IL31RA: variants seen among roughly 807,000 people sequenced by gnomAD.
IL31RA encodes interleukin 31 receptor A.
IL31RA carries 66 observed loss-of-function variants against 83.7 expected under a neutral mutation model. The ratio of observed to expected loss-of-function variants is 0.79; its 90% confidence interval spans 0.65 to 0.97. The LOEUF (loss-of-function observed/expected upper bound fraction) is 0.97, where lower values mean the gene tolerates loss of function less well. Among genes scored for constraint, IL31RA ranks in the 50% least tolerant of loss-of-function variants. The pLI, the probability that IL31RA is intolerant of heterozygous loss-of-function variation, is 0.00. For missense variants in IL31RA, 798 were observed against 919.4 expected (o/e 0.87, Z 1.71); for synonymous variants, 325 against 329.0 (o/e 0.99, Z 0.13).
intron 4 of IL31RA, among the ~76,000 whole-genome samples, chr5:55,881,716 ATTTTTTTTTT>A (rs34217814): frequency 2.2e-4 from 13 of 59,650 alleles, no homozygotes; most frequent in East Asian, 5.6e-4. Flanking sequence ...AGTTCCTGAG[ATTTTTTTTTT>A]TTTTTTTTTT....
intron 1 of IL31RA, 35 bp from the exon 2 acceptor site, chr5:55,859,474 G>A: frequency 1.3e-6 from 2 of 1,483,548 alleles, no homozygotes; most frequent in Non-Finnish European, 1.9e-6. Flanking sequence ...AAAGAGATAT[G>A]AAGCAAACCA....
chr5:55,854,301 G>A (rs929107783), intron 1 of IL31RA, among the ~76,000 whole-genome samples: 9 of 152,022 alleles, frequency 5.9e-5, no homozygotes, highest in Admixed American at 2.0e-4. Flanking sequence ...ATCTCATCTT[G>A]GGCAATGTAT....
intron 2 of IL31RA, among the ~76,000 whole-genome samples, chr5:55,861,080 A>G (rs1449393282): frequency 6.6e-6 from 1 of 152,204 alleles, no homozygotes; most frequent in African/African-American, 2.4e-5. Context: ...ATCTCCAAAT[A>G]TAATCACATT....
In IL31RA at chr5:55,858,626, CT is replaced by C. The variant is rs950097534; in HGVS notation, c.64-873del. Among the ~76,000 whole-genome samples the C allele has an allele frequency of 1.6e-4, 24 of 149,118 alleles. No homozygotes were observed. In the East Asian group the frequency reaches 2.0e-3, roughly 12 times the overall value. The stretch of plus-strand genomic sequence containing the variant: ...AACTTATTTTGTAAAGAACCCTTTT[CT>C]TTTTTTTTTCTATAATGATCTGGCA... On this transcript the variant is annotated intron_variant, in intron 1 of 14. Transcript: ENST00000652347.
At position 55,906,127 on chromosome 5, in the gene IL31RA, T is replaced by C. The variant is rs781261636; in HGVS notation, c.1091T>C (p.Met364Thr). 3.1e-6 allele frequency: 5 copies of C among 1,613,484 alleles called. No individual in the cohort carries two copies. The highest frequency in any genetic ancestry group is 2.7e-5 in the African/African-American group (2 of 74,398). Reference sequence around the variant, plus strand: ...TCAGCATTTCAGTGCATTGAGGTCATGCAGGCCTGCGTTGCTGAGGACCAG... The same window carrying C: ...TCAGCATTTCAGTGCATTGAGGTCACGCAGGCCTGCGTTGCTGAGGACCAG... ...QEKSFQCIEV[M>T]QACVAEDQLV... The change falls in exon 9 of 15, where the codon ATG becomes ACG. Residue 364 changes from methionine to threonine, a missense_variant. Met to Thr is a moderately conservative substitution (Grantham distance 81). Coordinates refer to ENST00000652347, the MANE Select transcript of IL31RA (RefSeq NM_139017.7).
At chr5:55,880,455 A>T (rs1048305308) in intron 4 of IL31RA, among the ~76,000 whole-genome samples, 1 of 152,244 alleles carries the variant, frequency 6.6e-6, no homozygotes, top group African/African-American at 2.4e-5. Context: ...ATACACACCA[A>T]CTATGTACTC....
chr5:55,893,428 C>T (rs1343099434), intron 6 of IL31RA, among the ~76,000 whole-genome samples: 1 of 152,264 alleles, frequency 6.6e-6, no homozygotes, highest in Non-Finnish European at 1.5e-5. Flanking sequence ...GATGCCCATA[C>T]TGTCATAGAA....
intron 8 of IL31RA, among the ~76,000 whole-genome samples, chr5:55,904,491 G>A (rs967989559): frequency 6.6e-6 from 1 of 152,196 alleles, no homozygotes; most frequent in East Asian, 1.9e-4. Context: ...CAGAGCCCTA[G>A]GGTTAGGTGG....
upstream of IL31RA, among the ~76,000 whole-genome samples, chr5:55,846,702 C>T (rs991723965): frequency 1.3e-5 from 2 of 152,094 alleles, no homozygotes; most frequent in Non-Finnish European, 2.9e-5. Flanking sequence ...GAGGCTGAAA[C>T]AGGAGACTCG....
chr5:55,840,542 T>G, the IL31RA span, among the ~76,000 whole-genome samples: 10 of 152,354 alleles, frequency 6.6e-5, no homozygotes, highest in Middle Eastern at 3.4e-3. Flanking sequence ...ACTTGGAAAT[T>G]TAATAGCAAA....
chr5:55,890,007 AC>A lies in IL31RA; in HGVS notation c.646del (p.Gln216LysfsTer16). The A allele has an allele frequency of 1.2e-6, 2 of 1,614,188 alleles. No individual in the cohort carries two copies. The highest frequency in any genetic ancestry group is 1.7e-6 in the Non-Finnish European group (2 of 1,180,006). On this transcript the variant is annotated frameshift_variant, in exon 6 of 15. Transcript: ENST00000652347. LOFTEE classifies it high-confidence loss of function. Reference sequence around the variant, plus strand: ...TTCGCTAAGAACCGTAAGGATAAAAACCAAACGTACAACCTCACGGGGCTGC... The same window carrying A: ...TTCGCTAAGAACCGTAAGGATAAAAACAAACGTACAACCTCACGGGGCTGC... ...VNFAKNRKDKNQTYNLTGLQP... is the reference protein window; with the variant it reads ...VNFAKNRKDKXQTYNLTGLQP...
In IL31RA at chr5:55,918,769, C is replaced by T. The variant is rs2112604563; in HGVS notation, c.*1649C>T. On this transcript the variant is annotated 3_prime_UTR_variant, in exon 15 of 15. Transcript: ENST00000652347. ...GTGGCTGCTCTCTCAAAGCTCTGTC[C>T]TCCTAACATCTCCAGCGGCTGCAGC... 6.6e-6 allele frequency among the ~76,000 whole-genome samples: 1 copy of T among 152,204 alleles called. No individual in the cohort carries two copies. Among genetic ancestry groups the T allele is most frequent in the East Asian group, 1.9e-4 (1 of 5,170 alleles).
intron 11 of IL31RA, 128 bp downstream of exon 11, chr5:55,908,539 T>A (rs1032062075): frequency 1.9e-6 from 3 of 1,586,748 alleles, no homozygotes; most frequent in Non-Finnish European, 1.7e-6. Context: ...ACTTAGCTTC[T>A]TTAAATCTCT....
chr5:55,890,158 C>T (rs750641231), intron 6 of IL31RA, 23 bp downstream of exon 6: 47 of 1,611,602 alleles, frequency 2.9e-5, no homozygotes, highest in African/African-American at 6.7e-5. Flanking sequence ...CTGCGATTCC[C>T]GTCCTGTCTG....
chr5:55,891,636 CAGTT>C (rs1430189311), intron 6 of IL31RA, among the ~76,000 whole-genome samples: 2 of 152,046 alleles, frequency 1.3e-5, no homozygotes, highest in African/African-American at 2.4e-5. Flanking sequence ...TTTGTGATCA[CAGTT>C]AGGACCCACC....
chr5:55,919,194 T>C lies in IL31RA; in HGVS notation c.*2074T>C, dbSNP rs911633157. 6.6e-6 allele frequency among the ~76,000 whole-genome samples: 1 copy of C among 152,164 alleles called. No homozygotes were observed. The highest frequency in any genetic ancestry group is 2.4e-5 in the African/African-American group (1 of 41,440). On this transcript the variant is annotated 3_prime_UTR_variant, in exon 15 of 15. Coordinates refer to ENST00000652347, the MANE Select transcript of IL31RA (RefSeq NM_139017.7). Reference sequence around the variant, plus strand: ...GGGAGGGCACGGGTACCCCCACAGCTGTTCTTTCAACCCTCCTGCCCACCT... The same window carrying C: ...GGGAGGGCACGGGTACCCCCACAGCCGTTCTTTCAACCCTCCTGCCCACCT...
chr5:55,851,640 A>G lies in IL31RA; in HGVS notation c.63+7A>G. ...TGAATGTCCGCAAAACATTGTGAGT[A>G]TTGATTTGGGGGGTTACAAATAATT... On this transcript the variant is annotated splice_region_variant and intron_variant, in intron 1 of 14. Coordinates refer to ENST00000652347, the MANE Select transcript of IL31RA (RefSeq NM_139017.7). 6.2e-7 allele frequency: 1 copy of G among 1,613,868 alleles called. No individual in the cohort carries two copies. Among genetic ancestry groups the G allele is most frequent in the Non-Finnish European group, 8.5e-7 (1 of 1,179,834 alleles).
intron 7 of IL31RA, among the ~76,000 whole-genome samples, chr5:55,899,340 T>G (rs1188702761): frequency 6.6e-6 from 1 of 152,176 alleles, no homozygotes; most frequent in African/African-American, 2.4e-5. Flanking sequence ...AATAAGAGTT[T>G]AGCTTAAAGT....
chr5:55,896,096 A>G (rs1748314893), intron 6 of IL31RA, among the ~76,000 whole-genome samples: 1 of 152,220 alleles, frequency 6.6e-6, no homozygotes, highest in Admixed American at 6.5e-5. Context: ...GGGGCCTATT[A>G]TACTTTTCCT....
Sources: gnomAD v4.1 joint callset for allele counts (sites outside exome capture counted in the v4.1 genomes callset) on GRCh38, gnomAD v4.1.1 for gene constraint, MANE v1.5 for transcripts, NCBI Gene and HGNC (gene_info 2026-07-23, HGNC 2026-07-21) for gene names.